Variants in SPATA16 observed in about 807,000 individuals in gnomAD.
SPATA16 encodes spermatogenesis associated 16.
Under a neutral mutation model 63.3 loss-of-function variants are expected in SPATA16, and 36 were observed. The observed-to-expected ratio is 0.57, with a 90% CI of 0.44 to 0.75. The LOEUF (loss-of-function observed/expected upper bound fraction) is 0.75. Ranked by LOEUF, SPATA16 falls within the 30% of genes least tolerant of loss-of-function variation. The pLI is 0.00. For missense variants in SPATA16, 646 were observed against 679.3 expected, an observed-to-expected ratio of 0.95 and a Z score of 0.54; for synonymous variants, 203 against 216.7, an observed-to-expected ratio of 0.94 and a Z score of 0.56.
intron 2 of SPATA16, among the ~76,000 whole-genome samples, chr3:173,103,048 TA>T (rs770850555): frequency 1.4e-4 from 21 of 152,370 alleles, no homozygotes; most frequent in South Asian, 2.1e-4. Flanking sequence ...CTTAAAGCTC[TA>T]AAATAATCTC....
intron 2 of SPATA16, among the ~76,000 whole-genome samples, chr3:173,111,137 T>C (rs531708179): frequency 1.1e-3 from 164 of 152,352 alleles, no homozygotes; most frequent in African/African-American, 3.8e-3. Flanking sequence ...ATTTAATTTT[T>C]TTAGAGCATC....
chr3:172,995,817 G>A (rs566603006), intron 4 of SPATA16, among the ~76,000 whole-genome samples: 2 of 152,092 alleles, frequency 1.3e-5, no homozygotes, highest in South Asian at 2.1e-4. Context: ...GTACATTAAC[G>A]TATACTCTTT....
chr3:172,979,481 T>G (rs1560086583), intron 4 of SPATA16, among the ~76,000 whole-genome samples: 1 of 152,186 alleles, frequency 6.6e-6, no homozygotes, highest in Non-Finnish European at 1.5e-5. Flanking sequence ...ATTTTTATAA[T>G]GTTAGTTATT....
chr3:172,916,261 T>A, intron 9 of SPATA16, 56 bp downstream of exon 9: 6 of 1,527,940 alleles, frequency 3.9e-6, no homozygotes, highest in Non-Finnish European at 5.4e-6. Flanking sequence ...CCAGACCATA[T>A]CACTTTTCTG....
chr3:172,908,284 G>A (rs16846252), intron 10 of SPATA16, among the ~76,000 whole-genome samples: 19,889 of 151,960 alleles, frequency 0.13, 1,851 homozygotes, highest in African/African-American at 0.26. Flanking sequence ...CTGTGGCAGC[G>A]GACTTTCCAA....
At chr3:173,136,096 A>T (rs2108351064) in intron 1 of SPATA16, among the ~76,000 whole-genome samples, 1 of 152,290 alleles carries the variant, frequency 6.6e-6, no homozygotes, top group East Asian at 1.9e-4. Context: ...TAAGGATTTG[A>T]TAGTTAGGAG....
intron 10 of SPATA16, among the ~76,000 whole-genome samples, chr3:172,894,506 G>A (rs116607547): frequency 0.011 from 1,248 of 111,154 alleles, 24 homozygotes; most frequent in African/African-American, 0.041. Flanking sequence ...AAAAAAAAAA[G>A]CCAAACTATA....
At chr3:172,963,936 C>T (rs1329414410) in intron 5 of SPATA16, among the ~76,000 whole-genome samples, 8 of 152,142 alleles carry the variant, frequency 5.3e-5, no homozygotes, top group Non-Finnish European at 8.8e-5. Flanking sequence ...TGTAAATTCT[C>T]GGAAGTATAA....
chr3:173,042,486 A>G (rs936114326), intron 3 of SPATA16, among the ~76,000 whole-genome samples: 8 of 152,212 alleles, frequency 5.3e-5, no homozygotes, highest in Non-Finnish European at 7.3e-5. Context: ...TTGGCCTCCC[A>G]AAGTGTTGGC....
intron 10 of SPATA16, among the ~76,000 whole-genome samples, chr3:172,901,240 C>T (rs1041346163): frequency 6.6e-6 from 1 of 152,160 alleles, no homozygotes; most frequent in African/African-American, 2.4e-5. Flanking sequence ...CACTCTATTG[C>T]CCAGGCTGGA....
At chr3:172,987,932 G>A (rs1734492678) in intron 4 of SPATA16, among the ~76,000 whole-genome samples, 1 of 151,712 alleles carries the variant, frequency 6.6e-6, no homozygotes, top group Non-Finnish European at 1.5e-5. Flanking sequence ...TCTCTGCTTG[G>A]GTAGGAAAAA....
At chr3:172,922,083 A>C (rs780832135) in intron 8 of SPATA16, among the ~76,000 whole-genome samples, 1 of 152,236 alleles carries the variant, frequency 6.6e-6, no homozygotes. Flanking sequence ...TCTAGTCACC[A>C]ATTCATTATT....
At chr3:172,908,837 G>GTT (rs11292582) in intron 10 of SPATA16, among the ~76,000 whole-genome samples, 2 of 147,720 alleles carry the variant, frequency 1.4e-5, no homozygotes, top group African/African-American at 5.0e-5. Flanking sequence ...GTACAATTAG[G>GTT]TTTTTTTTTT....
At chr3:172,896,290 G>A (rs1732006833) in intron 10 of SPATA16, among the ~76,000 whole-genome samples, 2 of 152,068 alleles carry the variant, frequency 1.3e-5, no homozygotes, top group Non-Finnish European at 2.9e-5. Flanking sequence ...GCGTGATCTC[G>A]GCTCACTGCA....
chr3:173,052,437 T>G (rs1473575133), intron 2 of SPATA16, among the ~76,000 whole-genome samples: 1 of 152,222 alleles, frequency 6.6e-6, no homozygotes, highest in Non-Finnish European at 1.5e-5. Flanking sequence ...TGTATGTTTG[T>G]TGAATTCTTG....
intron 4 of SPATA16, among the ~76,000 whole-genome samples, chr3:172,983,730 A>G (rs1400845165): frequency 6.6e-6 from 1 of 151,868 alleles, no homozygotes; most frequent in Non-Finnish European, 1.5e-5. Context: ...AATTCATTCA[A>G]GCCAACACAC....
Position 173,063,347 on chromosome 3 carries a change from G to C in SPATA16, c.613-14253C>G, listed in dbSNP as rs377702785. Among the ~76,000 whole-genome samples, 4 of 152,268 alleles carry C rather than the reference G, an allele frequency of 2.6e-5. No individual in the cohort carries two copies. In the South Asian group the frequency reaches 6.2e-4, roughly 24 times the overall value. Reference sequence around the variant, plus strand: ...CTAATTCAAGAAGCAGAGAAGGCTAGAACATGCAAAAGTGGAAAGAAGAAG... The same window carrying C: ...CTAATTCAAGAAGCAGAGAAGGCTACAACATGCAAAAGTGGAAAGAAGAAG... On this transcript the variant is annotated intron_variant, in intron 2 of 10. Transcript: ENST00000351008.
intron 5 of SPATA16, among the ~76,000 whole-genome samples, chr3:172,976,410 ATTC>A (rs975353102): frequency 1.2e-4 from 19 of 152,226 alleles, no homozygotes; most frequent in African/African-American, 4.1e-4. Context: ...TAAATCCAAA[ATTC>A]TTCTTATACG....
chr3:173,021,036 G>A (rs904815574), intron 3 of SPATA16, among the ~76,000 whole-genome samples: 5 of 151,962 alleles, frequency 3.3e-5, no homozygotes, highest in African/African-American at 1.2e-4. Flanking sequence ...GACCTCTCAG[G>A]GCTCTTCAGG....
Sources: allele counts gnomAD v4.1 joint callset (sites outside exome capture counted in the v4.1 genomes callset), GRCh38; gene constraint gnomAD v4.1.1; transcripts MANE v1.5; gene names NCBI Gene and HGNC (gene_info 2026-07-23, HGNC 2026-07-21).